MACROD2: variants seen among roughly 807,000 people sequenced by gnomAD.
MACROD2 encodes ADP-ribose glycohydrolase MACROD2.
A neutral mutation model predicts 70.4 loss-of-function variants in MACROD2; 36 were observed. The ratio of observed to expected loss-of-function variants is 0.51; its 90% CI spans 0.39 to 0.68. The LOEUF (loss-of-function observed/expected upper bound fraction) is 0.68, where lower values mean the gene tolerates loss of function less well. Among genes scored for constraint, MACROD2 ranks in the 30% least tolerant of loss-of-function variants. The pLI, the probability that MACROD2 is intolerant of heterozygous loss-of-function variation, is 0.00. For synonymous variants in MACROD2, 172 were observed against 178.8 expected (o/e 0.96, Z 0.30); for missense variants, 496 against 538.4 (o/e 0.92, Z 0.78).
At chr20:14,597,176 T>C (rs1374844873) in intron 4 of MACROD2, among the ~76,000 whole-genome samples, 1 of 152,190 alleles carries the variant, frequency 6.6e-6, no homozygotes, top group Non-Finnish European at 1.5e-5. Flanking sequence ...TCTTATTTCC[T>C]TTCTGAGGAT....
rs541375203 is a variant in MACROD2 at position 14,045,046 on chromosome 20, C to G, written c.164-40575C>G. Among the ~76,000 whole-genome samples, 22 of 152,354 alleles carry G rather than the reference C, an allele frequency of 1.4e-4. No individual in the cohort carries two copies. The East Asian group carries it at 4.2e-3, about 29-fold the overall frequency. ...GCCCAGGTGCTAAGCCCTTCACTGC[C>G]TGGGGCTTGCGGGCCGGCTTGCCGC... On this transcript the variant is annotated intron_variant, in intron 2 of 17. Transcript: ENST00000684519.
chr20:14,848,705 A>G (rs999692635), intron 5 of MACROD2, among the ~76,000 whole-genome samples: 3 of 152,190 alleles, frequency 2.0e-5, no homozygotes, highest in South Asian at 2.1e-4. Context: ...AAATAAATAT[A>G]TTACTAAAAT....
rs16994313 is a variant in MACROD2, at chr20:14,054,973, T to C, written c.164-30648T>C. 7.9e-3 allele frequency among the ~76,000 whole-genome samples: 1,200 copies of C among 152,316 alleles called. 20 individuals carry two copies. The highest frequency in any genetic ancestry group is 0.027 in the African/African-American group (1,118 of 41,578). On this transcript the variant is annotated intron_variant, in intron 2 of 17. Transcript: ENST00000684519. ...CTTTCTGAAAATAGTTCTATATGGG[T>C]TAATTTTGTTAATATTAGTATGTTG...
chr20:15,279,211 AT>A (rs1257739021), intron 6 of MACROD2, among the ~76,000 whole-genome samples: 2 of 152,194 alleles, frequency 1.3e-5, no homozygotes, highest in Non-Finnish European at 2.9e-5. Context: ...AAACTTCTAA[AT>A]AGTCCTAGGA....
At chr20:14,841,979 C>A (rs1239628714) in intron 5 of MACROD2, among the ~76,000 whole-genome samples, 1 of 151,924 alleles carries the variant, frequency 6.6e-6, no homozygotes, top group African/African-American at 2.4e-5. Flanking sequence ...TGCTGTATAA[C>A]AGAATACCAC....
rs147792815 is a variant in MACROD2 at position 14,303,203 on chromosome 20, C to T, written c.272-190276C>T. Among the ~76,000 whole-genome samples the T allele has an allele frequency of 7.9e-5, 12 of 152,192 alleles. No individual in the cohort carries two copies. The East Asian group carries it at 9.7e-4, about 12-fold the overall frequency. ...TTTAGGGTCACATAGCTTTGCTATG[C>T]GGCATTTTTTCAATGAAACTGACCA... On this transcript the variant is annotated intron_variant, in intron 3 of 17. Coordinates refer to ENST00000684519, the MANE Select transcript of MACROD2 (RefSeq NM_001351661.2).
At chr20:15,211,624 C>T (rs2076764563) in intron 5 of MACROD2, among the ~76,000 whole-genome samples, 1 of 152,128 alleles carries the variant, frequency 6.6e-6, no homozygotes, top group African/African-American at 2.4e-5. Context: ...TCTCTCGTCT[C>T]TTACCATGTG....
At chr20:14,591,092 CTG>C (rs961476939) in intron 4 of MACROD2, among the ~76,000 whole-genome samples, 11 of 152,010 alleles carry the variant, frequency 7.2e-5, no homozygotes, top group South Asian at 2.1e-4. Flanking sequence ...AATGATAAAA[CTG>C]TTTTAAATTC....
chr20:15,639,342 A>C (rs1425194560), intron 8 of MACROD2, among the ~76,000 whole-genome samples: 1 of 152,222 alleles, frequency 6.6e-6, no homozygotes, highest in African/African-American at 2.4e-5. Context: ...TGCATCGCTT[A>C]GTCCTGTACA....
chr20:15,820,091 A>G (rs577199974), intron 8 of MACROD2, among the ~76,000 whole-genome samples: 2 of 152,212 alleles, frequency 1.3e-5, no homozygotes, highest in African/African-American at 4.8e-5. Flanking sequence ...CATGCTCTAT[A>G]TCCTAGGAGA....
At chr20:15,684,080 G>A (rs2050195329) in intron 8 of MACROD2, among the ~76,000 whole-genome samples, 1 of 152,152 alleles carries the variant, frequency 6.6e-6, no homozygotes, top group Non-Finnish European at 1.5e-5. Context: ...CCTTCTGTGT[G>A]TTTAAATCGC....
intron 12 of MACROD2, among the ~76,000 whole-genome samples, chr20:15,967,156 A>G (rs2066152334): frequency 6.6e-6 from 1 of 152,200 alleles, no homozygotes; most frequent in Non-Finnish European, 1.5e-5. Context: ...CAAGGACTCA[A>G]GACTCCCATA....
intron 2 of MACROD2, among the ~76,000 whole-genome samples, chr20:14,083,433 A>AG (rs1012023014): frequency 6.6e-6 from 1 of 152,048 alleles, no homozygotes; most frequent in Non-Finnish European, 1.5e-5. Flanking sequence ...CAAAAAAAAA[A>AG]AAAATGATTG....
intron 3 of MACROD2, among the ~76,000 whole-genome samples, chr20:14,291,818 A>C (rs2082388692): frequency 6.6e-6 from 1 of 151,952 alleles, no homozygotes; most frequent in African/African-American, 2.4e-5. Context: ...TTAATGCTTA[A>C]GAATTACTTT....
intron 3 of MACROD2, among the ~76,000 whole-genome samples, chr20:14,443,588 C>T (rs1170712098): frequency 1.2e-4 from 18 of 152,064 alleles, no homozygotes; most frequent in Admixed American, 1.0e-3. Flanking sequence ...TGAGCCACTG[C>T]GCCCAGCCTG....
At chr20:14,717,707 G>A (rs552007547) in intron 5 of MACROD2, among the ~76,000 whole-genome samples, 7 of 152,180 alleles carry the variant, frequency 4.6e-5, no homozygotes, top group Admixed American at 2.0e-4. Context: ...GGAAGAATTG[G>A]AGAGAGGTAA....
chr20:15,290,337 C>T (rs1449377105), intron 6 of MACROD2, among the ~76,000 whole-genome samples: 1 of 152,142 alleles, frequency 6.6e-6, no homozygotes, highest in African/African-American at 2.4e-5. Context: ...TTACCAGCCT[C>T]ACTTTCTATA....
chr20:15,237,679 G>A (rs1326931773), intron 6 of MACROD2, among the ~76,000 whole-genome samples: 3 of 152,088 alleles, frequency 2.0e-5, no homozygotes, highest in African/African-American at 7.2e-5. Context: ...GAGTGGGAGT[G>A]TTATAAGTTG....
intron 8 of MACROD2, among the ~76,000 whole-genome samples, chr20:15,675,825 A>G (rs1398903018): frequency 1.3e-5 from 2 of 152,184 alleles, no homozygotes; most frequent in South Asian, 2.1e-4. Context: ...ACCTTCAGGA[A>G]CTTGCTGAGG....
Sources: allele counts gnomAD v4.1 joint callset (sites outside exome capture counted in the v4.1 genomes callset), GRCh38; gene constraint gnomAD v4.1.1; transcripts MANE v1.5; gene names NCBI Gene and HGNC (gene_info 2026-07-23, HGNC 2026-07-21).